The following MUSK variants were observed in gnomAD, a reference collection of about 807,000 sequenced individuals.
The protein encoded by MUSK is muscle, skeletal receptor tyrosine-protein kinase.
A neutral mutation model predicts 88.7 loss-of-function variants in MUSK; 55 were observed. That is an observed-to-expected ratio of 0.62 (90% CI 0.50 to 0.78). The LOEUF is 0.78. Among genes scored for constraint, MUSK ranks in the 30% least tolerant of loss-of-function variants. The pLI is 0.00. For missense variants in MUSK, 1,015 were observed against 1,074.3 expected (o/e 0.94, Z 0.77); for synonymous variants, 387 against 391.9 (o/e 0.99, Z 0.15).
intron 14 of MUSK, among the ~76,000 whole-genome samples, chr9:110,799,742 T>G (rs1000426368): frequency 1.3e-5 from 2 of 152,140 alleles, no homozygotes; most frequent in Non-Finnish European, 2.9e-5. Context: ...AAACCTCAAA[T>G]AGTCAAATGA....
chr9:110,697,406 T>C lies in MUSK; in HGVS notation c.568T>C (p.Cys190Arg), dbSNP rs1387603022. The change falls in exon 5 of 15, where the codon TGT becomes CGT. Residue 190 changes from cysteine to arginine, a missense_variant. Physicochemically the swap from Cys to Arg is radical, Grantham distance 180. Coordinates refer to ENST00000374448, the MANE Select transcript of MUSK (RefSeq NM_005592.4). ...AAAGGAAGATGCAGGACAGTATCGA[T>C]GTGTGGCAAAAAACAGCCTCGGGAC... Reference protein sequence around the residue: ...VQKEDAGQYRCVAKNSLGTAY... With the variant: ...VQKEDAGQYRRVAKNSLGTAY... The C allele has an allele frequency of 8.7e-6, 14 of 1,612,726 alleles. No homozygotes were observed. The highest frequency in any genetic ancestry group is 1.2e-5 in the Non-Finnish European group (14 of 1,179,218).
chr9:110,694,243 G>A (rs887376716), intron 3 of MUSK, among the ~76,000 whole-genome samples: 1 of 146,438 alleles, frequency 6.8e-6, no homozygotes, highest in Non-Finnish European at 1.5e-5. Flanking sequence ...AAAATTAGCC[G>A]GGTGTGGTGG....
At chr9:110,710,706 A>G (rs2076657109) in intron 5 of MUSK, among the ~76,000 whole-genome samples, 1 of 152,066 alleles carries the variant, frequency 6.6e-6, no homozygotes, top group Non-Finnish European at 1.5e-5. Context: ...CTAACAGGAG[A>G]GAGGCTATTT....
intron 5 of MUSK, among the ~76,000 whole-genome samples, chr9:110,732,494 C>T (rs982605441): frequency 3.9e-5 from 6 of 152,032 alleles, no homozygotes; most frequent in Non-Finnish European, 8.8e-5. Flanking sequence ...TGATATGTCT[C>T]TTAAGTCTCT....
chr9:110,714,210 T>G (rs1375099064), intron 5 of MUSK, among the ~76,000 whole-genome samples: 1 of 152,178 alleles, frequency 6.6e-6, no homozygotes, highest in Non-Finnish European at 1.5e-5. Context: ...AAAAGTGCGG[T>G]TGCTTTATAT....
At chr9:110,680,032 G>A (rs1301287351) in intron 1 of MUSK, among the ~76,000 whole-genome samples, 1 of 151,760 alleles carries the variant, frequency 6.6e-6, no homozygotes, top group Non-Finnish European at 1.5e-5. Flanking sequence ...CTTTCTTTCT[G>A]GTATAAATTA....
At chr9:110,779,496 T>C (rs1564287257) in intron 11 of MUSK, among the ~76,000 whole-genome samples, 1 of 152,172 alleles carries the variant, frequency 6.6e-6, no homozygotes, top group East Asian at 1.9e-4. Context: ...ATTTTTAACT[T>C]TTTCTTTTGC....
rs1223131136 is a variant in MUSK at position 110,797,132 on chromosome 9, T to TA, written c.1928-3168dup. Among the ~76,000 whole-genome samples the TA allele has an allele frequency of 3.0e-3, 52 of 17,166 alleles. 1 individual carries two copies. The highest frequency in any genetic ancestry group is 9.6e-3 in the African/African-American group (47 of 4,886). 11.3% of individuals were successfully genotyped at this position (17,166 alleles called of 152,430 possible). A position where few individuals can be genotyped will look rare whatever the true frequency, so the allele number is the denominator to read the frequency against. On this transcript the variant is annotated intron_variant, in intron 14 of 14. Coordinates refer to ENST00000374448, the MANE Select transcript of MUSK (RefSeq NM_005592.4). ...AGAGTATAACAAAAAAATAAAAAAATAAAAAATAAAAAATAAATGCATGAA... is the reference window on the plus strand; with the variant it reads ...AGAGTATAACAAAAAAATAAAAAAATAAAAAAATAAAAAATAAATGCATGAA...
rs536528056 is a variant in MUSK, at chr9:110,802,896, C to T, written c.*1908C>T. 2.0e-5 allele frequency among the ~76,000 whole-genome samples: 3 copies of T among 152,252 alleles called. No individual in the cohort carries two copies. The highest frequency in any genetic ancestry group is 7.2e-5 in the African/African-American group (3 of 41,548). ...AGTGCTTCAGATAAAAATCATGAGT[C>T]TAAGTCCAAAATTGATACTGTAATC... On this transcript the variant is annotated 3_prime_UTR_variant, in exon 15 of 15. Coordinates refer to ENST00000374448, the MANE Select transcript of MUSK (RefSeq NM_005592.4).
chr9:110,680,091 T>A (rs77392298), intron 1 of MUSK, among the ~76,000 whole-genome samples: 2 of 152,278 alleles, frequency 1.3e-5, no homozygotes, highest in East Asian at 3.9e-4. Flanking sequence ...AGAAAGTCTG[T>A]GAGTGGTAAA....
At chr9:110,682,053 G>A (rs564551244) in intron 1 of MUSK, among the ~76,000 whole-genome samples, 310 of 152,078 alleles carry the variant, frequency 2.0e-3, no homozygotes, top group Non-Finnish European at 3.3e-3. Flanking sequence ...CATACCGTGC[G>A]CTTTACCCAT....
chr9:110,672,757 T>C (rs567078897), intron 1 of MUSK, among the ~76,000 whole-genome samples: 1 of 152,296 alleles, frequency 6.6e-6, no homozygotes, highest in Admixed American at 6.5e-5. Context: ...CAAATACACC[T>C]TGTTTCTTTA....
intron 7 of MUSK, among the ~76,000 whole-genome samples, chr9:110,753,426 T>G (rs2077271873): frequency 2.3e-5 from 3 of 132,260 alleles, no homozygotes; most frequent in African/African-American, 2.9e-5. Flanking sequence ...AGCAATAGAG[T>G]GAGACTTCAT....
chr9:110,669,377 C>T (rs1587868431), intron 1 of MUSK, among the ~76,000 whole-genome samples: 2 of 151,976 alleles, frequency 1.3e-5, no homozygotes, highest in Middle Eastern at 3.4e-3. Context: ...CATTCTCAGA[C>T]ATCCAGAGCA....
At chr9:110,772,853 T>C (rs2077601049) in intron 9 of MUSK, among the ~76,000 whole-genome samples, 3 of 152,134 alleles carry the variant, frequency 2.0e-5, no homozygotes, top group Admixed American at 1.3e-4. Context: ...AAAAAGTCTC[T>C]ACCTTTATTC....
intron 1 of MUSK, among the ~76,000 whole-genome samples, chr9:110,679,904 GAATTT>G (rs1224119060): frequency 6.6e-6 from 1 of 151,862 alleles, no homozygotes; most frequent in African/African-American, 2.4e-5. Flanking sequence ...TGTTTGTCTA[GAATTT>G]AATTCCACTC....
intron 5 of MUSK, among the ~76,000 whole-genome samples, chr9:110,713,056 G>C (rs1274185873): frequency 6.6e-6 from 1 of 151,950 alleles, no homozygotes; most frequent in African/African-American, 2.4e-5. Context: ...ATCACATTGA[G>C]GGAGGAAAAA....
At chr9:110,706,736 G>A (rs577218526) in intron 5 of MUSK, among the ~76,000 whole-genome samples, 1 of 152,276 alleles carries the variant, frequency 6.6e-6, no homozygotes, top group South Asian at 2.1e-4. Flanking sequence ...AACCATAGTG[G>A]CTCACACCTG....
At chr9:110,763,081 T>TA (rs561644796) in intron 8 of MUSK, among the ~76,000 whole-genome samples, 20 of 151,916 alleles carry the variant, frequency 1.3e-4, no homozygotes, top group East Asian at 5.8e-4. Flanking sequence ...TGGTACACAA[T>TA]AAAAAAAACA....
Sources: gnomAD v4.1 joint callset for allele counts (sites outside exome capture counted in the v4.1 genomes callset) on GRCh38, gnomAD v4.1.1 for gene constraint, MANE v1.5 for transcripts, NCBI Gene and HGNC (gene_info 2026-07-23, HGNC 2026-07-21) for gene names.